NRG2: variants seen among roughly 807,000 people sequenced by gnomAD.
NRG2 encodes pro-neuregulin-2, membrane-bound isoform.
A neutral mutation model predicts 73.9 loss-of-function variants in NRG2; 27 were observed. The observed-to-expected ratio is 0.37, with a 90% confidence interval of 0.27 to 0.50. The LOEUF (loss-of-function observed/expected upper bound fraction) is 0.50, where lower values mean the gene tolerates loss of function less well. Among genes scored for constraint, NRG2 ranks in the 20% least tolerant of loss-of-function variants. The pLI is 0.96. For synonymous variants in NRG2, 532 were observed against 541.0 expected, an observed-to-expected ratio of 0.98 and a Z score of 0.23; for missense variants, 1,126 against 1,210.1, an observed-to-expected ratio of 0.93 and a Z score of 1.03.
chr5:139,864,346 G>A (rs561425416), intron 5 of NRG2, among the ~76,000 whole-genome samples: 1 of 152,018 alleles, frequency 6.6e-6, no homozygotes, highest in South Asian at 2.1e-4. Flanking sequence ...CTTGGGCCTC[G>A]GGGCTCACTT....
intron 1 of NRG2, among the ~76,000 whole-genome samples, chr5:140,021,648 G>C (rs540535724): frequency 4.1e-4 from 62 of 152,274 alleles, no homozygotes; most frequent in Non-Finnish European, 6.8e-4. Context: ...CTTGAGTTCA[G>C]ACAGAAGGGC....
At chr5:139,958,265 C>CTA (rs1754788380) in intron 1 of NRG2, among the ~76,000 whole-genome samples, 1 of 152,064 alleles carries the variant, frequency 6.6e-6, no homozygotes, top group African/African-American at 2.4e-5. Context: ...CTCACATGAG[C>CTA]TATAGCTTGA....
intron 1 of NRG2, among the ~76,000 whole-genome samples, chr5:139,948,102 C>G (rs930090848): frequency 2.6e-5 from 4 of 152,164 alleles, no homozygotes; most frequent in South Asian, 2.1e-4. Context: ...TGGCAGCCAC[C>G]ATTCTACTTT....
intron 1 of NRG2, among the ~76,000 whole-genome samples, chr5:139,981,760 G>A (rs777901234): frequency 1.3e-4 from 20 of 152,244 alleles, no homozygotes; most frequent in Non-Finnish European, 2.6e-4. Context: ...TGCTTTGCAT[G>A]TCCATTTAGT....
At chr5:140,031,297 G>T (rs2126691292) in intron 1 of NRG2, among the ~76,000 whole-genome samples, 1 of 152,266 alleles carries the variant, frequency 6.6e-6, no homozygotes, top group East Asian at 1.9e-4. Flanking sequence ...AGGTAAGAGA[G>T]GGTCAGAAGT....
chr5:140,005,135 T>G (rs904947172), intron 1 of NRG2, among the ~76,000 whole-genome samples: 13 of 152,156 alleles, frequency 8.5e-5, no homozygotes, highest in South Asian at 2.1e-4. Context: ...AAATGTCTAT[T>G]AGGTCTTGAA....
At position 139,900,765 on chromosome 5, in the gene NRG2, G is replaced by C. The variant is rs75666576; in HGVS notation, c.701-13254C>G. On this transcript the variant is annotated intron_variant, in intron 1 of 9. Transcript: ENST00000361474. ...GCTAGGGCCTGCCCAGGCTGGGCCAGCACCTTTTCCTCCATGTGTCTTCAT... is the reference window on the plus strand; with the variant it reads ...GCTAGGGCCTGCCCAGGCTGGGCCACCACCTTTTCCTCCATGTGTCTTCAT... Among the ~76,000 whole-genome samples, 728 of 152,338 alleles carry C rather than the reference G, an allele frequency of 4.8e-3. 5 individuals are homozygous for C. Among genetic ancestry groups the C allele is most frequent in the African/African-American group, 0.016 (684 of 41,576 alleles).
At position 140,041,182 on chromosome 5, in the gene NRG2, G is replaced by A. The variant is rs750739150; in HGVS notation, c.700+1188C>T. Among the ~76,000 whole-genome samples the A allele has an allele frequency of 6.6e-5, 10 of 152,216 alleles. No individual in the cohort carries two copies. The East Asian group carries it at 7.7e-4, about 12-fold the overall frequency. ...CTACCCAGAATCAGTTGGTAAAACT[G>A]GTAAACATACCAACTTCTATGAGAG... On this transcript the variant is annotated intron_variant, in intron 1 of 9. Transcript: ENST00000361474.
chr5:139,924,330 A>G (rs2126335679), intron 1 of NRG2, among the ~76,000 whole-genome samples: 1 of 152,344 alleles, frequency 6.6e-6, no homozygotes, highest in Non-Finnish European at 1.5e-5. Context: ...TTGTGAGACA[A>G]TATCAAAAGT....
chr5:140,032,144 C>T (rs1212473282), intron 1 of NRG2, among the ~76,000 whole-genome samples: 1 of 152,170 alleles, frequency 6.6e-6, no homozygotes. Context: ...ATACCTCTTA[C>T]CTCTGAAGGT....
rs1005512007 is a variant in NRG2 at position 139,869,086 on chromosome 5, T to C, written c.1112+2635A>G. Among the ~76,000 whole-genome samples the C allele has an allele frequency of 1.3e-5, 2 of 151,972 alleles. No individual in the cohort carries two copies. Among genetic ancestry groups the C allele is most frequent in the Non-Finnish European group, 2.9e-5 (2 of 67,972 alleles). On this transcript the variant is annotated intron_variant, in intron 4 of 9. Transcript: ENST00000361474. The surrounding 1 kb of genome is among the most constrained non-coding windows in gnomAD (Gnocchi z 4.5). ...CCAGACAGGGGACAGTCACCTTGAT[T>C]TGGACTCCCATTTTCAAATCCCCCT...
In NRG2 at chr5:139,856,017, C is replaced by T. The variant is rs1011256375; in HGVS notation, c.1190-239G>A. 8 of 542,008 alleles carry T rather than the reference C, an allele frequency of 1.5e-5. No individual in the cohort carries two copies. Among genetic ancestry groups the T allele is most frequent in the Non-Finnish European group, 2.7e-5 (8 of 299,788 alleles). The allele number at this position is 542,008 out of a possible 1,614,324, so 33.6% of individuals were successfully genotyped here. A position where few individuals can be genotyped will look rare whatever the true frequency, so the allele number is the denominator to read the frequency against. On this transcript the variant is annotated intron_variant, in intron 5 of 9. Coordinates refer to ENST00000361474, the MANE Select transcript of NRG2 (RefSeq NM_004883.3). The surrounding 1 kb of genome is among the most constrained non-coding windows in gnomAD (Gnocchi z 4.2). ...GGTCACACACAACTCCTCCTGAGTTCCCCTCCCCAAGCCCCATGCCTGCCC... is the reference window on the plus strand; with the variant it reads ...GGTCACACACAACTCCTCCTGAGTTTCCCTCCCCAAGCCCCATGCCTGCCC...
intron 1 of NRG2, among the ~76,000 whole-genome samples, chr5:140,018,630 C>T (rs1759983296): frequency 6.6e-6 from 1 of 152,094 alleles, no homozygotes; most frequent in African/African-American, 2.4e-5. Context: ...ATCTCTTAGC[C>T]CAACTGCAAA....
intron 2 of NRG2, among the ~76,000 whole-genome samples, chr5:139,883,391 G>A (rs980877085): frequency 1.3e-4 from 20 of 151,280 alleles, no homozygotes; most frequent in African/African-American, 4.6e-4. Context: ...GGGAACATGC[G>A]ATTCTGCAGG....
chr5:140,036,261 C>G (rs1321786461), intron 1 of NRG2, among the ~76,000 whole-genome samples: 1 of 152,220 alleles, frequency 6.6e-6, no homozygotes, highest in East Asian at 1.9e-4. Flanking sequence ...TCATAATTAT[C>G]AAAAACATTA....
chr5:140,025,666 T>C (rs1293273683), intron 1 of NRG2, among the ~76,000 whole-genome samples: 1 of 152,222 alleles, frequency 6.6e-6, no homozygotes, highest in Non-Finnish European at 1.5e-5. Context: ...TCTACCAATA[T>C]ATACATACCT....
chr5:139,877,361 A>G (rs1345400019), intron 3 of NRG2, among the ~76,000 whole-genome samples: 1 of 152,184 alleles, frequency 6.6e-6, no homozygotes, highest in Admixed American at 6.5e-5. Context: ...AAGTGATGCC[A>G]CCCGAGCAGC....
rs73791204 is a variant in NRG2, at chr5:139,851,279, G to A, written c.1772+325C>T. ...TGGGATTACAGGTGTGAGCCACCGC[G>A]CCCGGCTGCCTGTTTGTTCTTGATG... On this transcript the variant is annotated intron_variant, in intron 9 of 9. Transcript: ENST00000361474. This position sits in a 1 kb window ranked among gnomAD's most constrained non-coding sequence, Gnocchi z 4.2. 3.3e-5 allele frequency among the ~76,000 whole-genome samples: 5 copies of A among 152,100 alleles called. No individual in the cohort carries two copies. The highest frequency in any genetic ancestry group is 3.9e-4 in the East Asian group (2 of 5,182).
In NRG2 at chr5:139,852,602, A is replaced by G. The variant is rs752744808; in HGVS notation, c.1417-43T>C. The G allele has an allele frequency of 6.2e-7, 1 of 1,600,402 alleles. No homozygotes were observed. ...GGGCGAGAGTTAGTGACTGGGGCCC[A>G]AATGAACTCTTTCTTGTTGGGGACA... On this transcript the variant is annotated intron_variant, in intron 7 of 9. Coordinates refer to ENST00000361474, the MANE Select transcript of NRG2 (RefSeq NM_004883.3). This position sits in a 1 kb window ranked among gnomAD's most constrained non-coding sequence, Gnocchi z 4.4.
Sources: gnomAD v4.1 joint callset for allele counts (sites outside exome capture counted in the v4.1 genomes callset) on GRCh38, gnomAD v4.1.1 for gene constraint, Gnocchi (gnomAD v3.1) non-coding constraint, MANE v1.5 for transcripts, NCBI Gene and HGNC (gene_info 2026-07-23, HGNC 2026-07-21) for gene names.